The following RGS6 variants were observed in gnomAD, a reference collection of about 807,000 sequenced individuals.
The protein encoded by RGS6 is regulator of G protein signaling 6, also known as regulator of G-protein signaling 6.
RGS6 carries 30 observed loss-of-function variants against 78.5 expected under a neutral mutation model. That is an observed-to-expected ratio of 0.38 (90% confidence interval 0.29 to 0.52). RGS6 has a LOEUF of 0.52. Ranked by LOEUF, RGS6 falls within the 20% of genes least tolerant of loss-of-function variation. The pLI is 0.85. For synonymous variants in RGS6, 206 were observed against 206.0 expected, an observed-to-expected ratio of 1.00 and a Z score of 0.00; for missense variants, 495 against 609.7, an observed-to-expected ratio of 0.81 and a Z score of 1.98.
chr14:72,320,115 C>T (rs2071484550), intron 2 of RGS6, among the ~76,000 whole-genome samples: 1 of 152,174 alleles, frequency 6.6e-6, no homozygotes, highest in African/African-American at 2.4e-5. Flanking sequence ...GCCTTCCTTA[C>T]AGCAACATTC....
the RGS6 span, among the ~76,000 whole-genome samples, chr14:72,585,458 G>T: frequency 6.6e-6 from 1 of 152,246 alleles, no homozygotes; most frequent in Non-Finnish European, 1.5e-5. Context: ...TTGGAAAGAA[G>T]AGGAAGTTGA....
chr14:71,990,735 G>T (rs1018255698), intron 2 of RGS6: 7 of 455,836 alleles, frequency 1.5e-5, no homozygotes, highest in African/African-American at 1.4e-4. Context: ...CTGCATTGAG[G>T]ATCCCCAAAT....
intron 2 of RGS6, among the ~76,000 whole-genome samples, chr14:72,332,330 CT>C (rs1292122064): frequency 2.6e-5 from 4 of 152,248 alleles, no homozygotes; most frequent in African/African-American, 9.6e-5. Context: ...TGCCTGCATG[CT>C]GTGAATGCCA....
chr14:72,075,133 G>A (rs549345938), intron 2 of RGS6, among the ~76,000 whole-genome samples: 1 of 152,174 alleles, frequency 6.6e-6, no homozygotes, highest in Non-Finnish European at 1.5e-5. Context: ...GGCATGCACA[G>A]ATATAGTTTC....
chr14:72,128,469 C>G (rs1425253772), intron 2 of RGS6, among the ~76,000 whole-genome samples: 1 of 151,930 alleles, frequency 6.6e-6, no homozygotes, highest in African/African-American at 2.4e-5. Flanking sequence ...ACACTATATT[C>G]ACTTTTATTA....
At chr14:72,137,332 T>C (rs938468042) in intron 2 of RGS6, among the ~76,000 whole-genome samples, 2 of 152,174 alleles carry the variant, frequency 1.3e-5, no homozygotes, top group Admixed American at 6.6e-5. Context: ...CTGCTTTTTC[T>C]ATTCTCACCC....
At chr14:72,109,100 G>T (rs2095696644) in intron 2 of RGS6, among the ~76,000 whole-genome samples, 2 of 151,228 alleles carry the variant, frequency 1.3e-5, no homozygotes, top group Admixed American at 6.6e-5. Context: ...TTTTTATGTT[G>T]TTTTTTCCTT....
At chr14:72,597,093 G>C in the RGS6 span, among the ~76,000 whole-genome samples, 2,281 of 152,190 alleles carry the variant, frequency 0.015, 56 homozygotes, top group African/African-American at 0.053. Context: ...ACAAAAATTA[G>C]CTGGATGTGG....
intron 2 of RGS6, among the ~76,000 whole-genome samples, chr14:72,234,797 TG>T (rs1339831901): frequency 6.6e-6 from 1 of 152,194 alleles, no homozygotes; most frequent in African/African-American, 2.4e-5. Context: ...CATCTTCCTT[TG>T]AGAGCAAGTT....
the RGS6 span, among the ~76,000 whole-genome samples, chr14:72,607,641 C>T: frequency 6.6e-6 from 1 of 152,168 alleles, no homozygotes; most frequent in Non-Finnish European, 1.5e-5. Context: ...AGATGAAAGG[C>T]CTGAATGTGG....
chr14:72,066,160 G>A (rs923971030), intron 2 of RGS6, among the ~76,000 whole-genome samples: 27 of 152,102 alleles, frequency 1.8e-4, no homozygotes, highest in Admixed American at 7.2e-4. Flanking sequence ...AGCAATTGTA[G>A]CAATGCCTGA....
chr14:72,063,863 G>A (rs1423921032), intron 2 of RGS6, among the ~76,000 whole-genome samples: 1 of 152,054 alleles, frequency 6.6e-6, no homozygotes, highest in East Asian at 1.9e-4. Context: ...ATCATCAGAT[G>A]GGTGTGAGTA....
the RGS6 span, among the ~76,000 whole-genome samples, chr14:72,601,595 G>A: frequency 1.3e-5 from 2 of 152,208 alleles, no homozygotes; most frequent in Non-Finnish European, 2.9e-5. Flanking sequence ...GATTTTGAAT[G>A]TTCTTAGCAC....
At chr14:72,177,233 CAGAT>C (rs1187216297) in intron 2 of RGS6, among the ~76,000 whole-genome samples, 1 of 152,134 alleles carries the variant, frequency 6.6e-6, no homozygotes, top group Non-Finnish European at 1.5e-5. Context: ...CCATGTCTCT[CAGAT>C]GGATAAGATT....
At chr14:72,392,844 C>A (rs1308932018) in intron 3 of RGS6, among the ~76,000 whole-genome samples, 1 of 152,122 alleles carries the variant, frequency 6.6e-6, no homozygotes, top group East Asian at 1.9e-4. Flanking sequence ...TCTGGGGATG[C>A]AGCCTCTCCA....
intron 2 of RGS6, among the ~76,000 whole-genome samples, chr14:72,299,823 T>C (rs2065664762): frequency 6.6e-6 from 1 of 152,228 alleles, no homozygotes; most frequent in Non-Finnish European, 1.5e-5. Context: ...CTTTAATGAC[T>C]GTAGAATCTA....
intron 1 of RGS6, among the ~76,000 whole-genome samples, chr14:71,958,011 T>C (rs1388910500): frequency 7.1e-6 from 1 of 140,884 alleles, no homozygotes; most frequent in Non-Finnish European, 1.6e-5. Flanking sequence ...TAAGCAATCC[T>C]CATGCATGCA....
chr14:72,005,439 C>CTCTACCTATCTATCTATCTA (rs1555428327), intron 2 of RGS6, among the ~76,000 whole-genome samples: 2 of 143,512 alleles, frequency 1.4e-5, no homozygotes, highest in Non-Finnish European at 3.1e-5. Flanking sequence ...ACCTGCATAT[C>CTCTACCTATCTATCTATCTA]TCTATCTATC....
intron 2 of RGS6, among the ~76,000 whole-genome samples, chr14:72,277,570 C>G (rs1017816064): frequency 6.6e-6 from 1 of 151,650 alleles, no homozygotes; most frequent in African/African-American, 2.4e-5. Context: ...GCATTCCAGC[C>G]TGGTGACAGA....
Sources: allele counts gnomAD v4.1 joint callset (sites outside exome capture counted in the v4.1 genomes callset), GRCh38; gene constraint gnomAD v4.1.1; transcripts MANE v1.5; gene names NCBI Gene and HGNC (gene_info 2026-07-23, HGNC 2026-07-21).